The following RSRC1 variants were observed in gnomAD, a reference collection of about 807,000 sequenced individuals.
RSRC1 encodes serine/Arginine-related protein 53.
In RSRC1, 39 loss-of-function variants were observed where a neutral mutation model predicts 49.1. That is an observed-to-expected ratio of 0.79 (90% confidence interval 0.61 to 1.04). The LOEUF (loss-of-function observed/expected upper bound fraction) is 1.04. RSRC1 is among the 50% of genes least tolerant of loss of function. RSRC1 has a pLI of 0.00. For synonymous variants in RSRC1, 143 were observed against 130.8 expected (o/e 1.09, Z -0.63); for missense variants, 388 against 402.4 (o/e 0.96, Z 0.31).
chr3:158,325,431 T>G (rs1217513616), intron 5 of RSRC1, among the ~76,000 whole-genome samples: 2 of 152,244 alleles, frequency 1.3e-5, no homozygotes, highest in Non-Finnish European at 2.9e-5. Context: ...TGATCCAGTT[T>G]CAGCTTTCTA....
intron 4 of RSRC1, among the ~76,000 whole-genome samples, chr3:158,264,098 T>C (rs1182347649): frequency 6.6e-6 from 1 of 152,158 alleles, no homozygotes; most frequent in South Asian, 2.1e-4. Context: ...AATTCTCCTC[T>C]TCTTCTAGTT....
At chr3:158,239,612 A>G (rs1175132557) in intron 4 of RSRC1, among the ~76,000 whole-genome samples, 2 of 152,098 alleles carry the variant, frequency 1.3e-5, no homozygotes, top group Admixed American at 6.6e-5. Context: ...ATTAGGAGAA[A>G]TACCCATTGT....
At chr3:158,146,233 C>T (rs570745500) in intron 3 of RSRC1, among the ~76,000 whole-genome samples, 1 of 152,212 alleles carries the variant, frequency 6.6e-6, no homozygotes, top group Non-Finnish European at 1.5e-5. Context: ...GCTTCCAGTT[C>T]TTGCCCATTC....
chr3:158,535,761 C>A (rs1203598678), intron 7 of RSRC1, among the ~76,000 whole-genome samples: 1 of 151,276 alleles, frequency 6.6e-6, no homozygotes, highest in South Asian at 2.1e-4. Context: ...AAATGACTAC[C>A]ATGGACTAAA....
rs866911251 is a variant in RSRC1 at position 158,198,952 on chromosome 3, T to C, written c.321-4120T>C. Among the ~76,000 whole-genome samples the C allele has an allele frequency of 5.9e-5, 9 of 152,290 alleles. No homozygotes were observed. In the Middle Eastern group the frequency reaches 0.02, roughly 345 times the overall value. On this transcript the variant is annotated intron_variant, in intron 3 of 9. Transcript: ENST00000611884. ...AAGCCATGTAATTCTCTTAAAGACT[T>C]ACATATATCCTGATGTGGTTTGGCT...
At chr3:158,326,330 A>G (rs1370214134) in intron 5 of RSRC1, among the ~76,000 whole-genome samples, 2 of 152,162 alleles carry the variant, frequency 1.3e-5, no homozygotes, top group African/African-American at 4.8e-5. Context: ...GAATGCTTCC[A>G]GTTTTTGCCC....
chr3:158,478,200 C>T (rs926065368), intron 7 of RSRC1, among the ~76,000 whole-genome samples: 2 of 151,818 alleles, frequency 1.3e-5, no homozygotes, highest in African/African-American at 4.8e-5. Context: ...TAGACTATCA[C>T]AATCATTTTA....
At chr3:158,321,309 TTCTTCC>T (rs1728747329) in intron 5 of RSRC1, among the ~76,000 whole-genome samples, 1 of 151,926 alleles carries the variant, frequency 6.6e-6, no homozygotes, top group Non-Finnish European at 1.5e-5. Context: ...CTTCTTCCTC[TTCTTCC>T]TCTTCTTCTT....
chr3:158,144,181 A>T (rs1716928789), intron 3 of RSRC1, among the ~76,000 whole-genome samples: 1 of 152,174 alleles, frequency 6.6e-6, no homozygotes, highest in Non-Finnish European at 1.5e-5. Context: ...CATGTGCACA[A>T]CGTGCAGGTT....
At chr3:158,232,163 A>G (rs1039229964) in intron 4 of RSRC1, among the ~76,000 whole-genome samples, 2 of 152,126 alleles carry the variant, frequency 1.3e-5, no homozygotes, top group African/African-American at 4.8e-5. Flanking sequence ...TTTTACCAGC[A>G]TATGTTTTGC....
At chr3:158,146,999 G>A (rs1441623911) in intron 3 of RSRC1, among the ~76,000 whole-genome samples, 1 of 150,014 alleles carries the variant, frequency 6.7e-6, no homozygotes, top group Non-Finnish European at 1.5e-5. Flanking sequence ...CAGTTACCAA[G>A]ATTTTCCCCA....
chr3:158,241,919 T>C (rs1214775829), intron 4 of RSRC1, among the ~76,000 whole-genome samples: 2 of 151,850 alleles, frequency 1.3e-5, no homozygotes, highest in African/African-American at 4.8e-5. Flanking sequence ...ATTTAAAATA[T>C]ACAATTTAGT....
At chr3:158,498,287 G>T (rs1410004723) in intron 7 of RSRC1, among the ~76,000 whole-genome samples, 2 of 151,348 alleles carry the variant, frequency 1.3e-5, no homozygotes, top group Non-Finnish European at 2.9e-5. Flanking sequence ...TTGCACTGTG[G>T]TTTGGATTTG....
chr3:158,254,474 C>T (rs1578248306), intron 4 of RSRC1, among the ~76,000 whole-genome samples: 1 of 152,118 alleles, frequency 6.6e-6, no homozygotes, highest in East Asian at 1.9e-4. Flanking sequence ...CTCTGTCGCT[C>T]AGGCTGGAGT....
At chr3:158,127,758 T>G (rs1337892119) in intron 3 of RSRC1, among the ~76,000 whole-genome samples, 13 of 18,040 alleles carry the variant, frequency 7.2e-4, no homozygotes, top group African/African-American at 2.9e-3. Flanking sequence ...GCTTTGTGGT[T>G]TTTTTTTTTT....
chr3:158,293,186 C>A (rs1727037690), intron 4 of RSRC1, among the ~76,000 whole-genome samples: 1 of 152,012 alleles, frequency 6.6e-6, no homozygotes, highest in Non-Finnish European at 1.5e-5. Flanking sequence ...ATGAAAACTT[C>A]TTGGTTTATC....
At chr3:158,366,540 G>T (rs1415801063) in intron 6 of RSRC1, among the ~76,000 whole-genome samples, 1 of 152,094 alleles carries the variant, frequency 6.6e-6, no homozygotes, top group African/African-American at 2.4e-5. Context: ...TGCTGTTTTG[G>T]TTACCGTAGC....
chr3:158,376,190 G>GTTTT (rs760919300), intron 6 of RSRC1, among the ~76,000 whole-genome samples: 2 of 71,402 alleles, frequency 2.8e-5, no homozygotes, highest in African/African-American at 5.6e-5. Context: ...CCTTCCTTTC[G>GTTTT]TTTTTTTTTT....
At chr3:158,241,798 T>G (rs946354626) in intron 4 of RSRC1, among the ~76,000 whole-genome samples, 1 of 152,070 alleles carries the variant, frequency 6.6e-6, no homozygotes, top group African/African-American at 2.4e-5. Flanking sequence ...TGAAAGTCTG[T>G]ATCTTAAAAC....
Sources: gnomAD v4.1 joint callset for allele counts (sites outside exome capture counted in the v4.1 genomes callset) on GRCh38, gnomAD v4.1.1 for gene constraint, MANE v1.5 for transcripts, NCBI Gene and HGNC (gene_info 2026-07-23, HGNC 2026-07-21) for gene names.